Variants in GPBP1 observed in about 807,000 individuals in gnomAD.
GPBP1 encodes the protein GC-rich promoter binding protein 1.
GPBP1 carries 13 observed loss-of-function variants against 56.5 expected under a neutral mutation model. The ratio of observed to expected loss-of-function variants is 0.23; its 90% confidence interval spans 0.15 to 0.37. The LOEUF (loss-of-function observed/expected upper bound fraction) is 0.37. GPBP1 is among the 10% of genes least tolerant of loss of function. The pLI is 1.00. For synonymous variants in GPBP1, 204 were observed against 188.9 expected (o/e 1.08, Z -0.66); for missense variants, 477 against 572.3 (o/e 0.83, Z 1.70).
intron 6 of GPBP1, among the ~76,000 whole-genome samples, chr5:57,238,082 A>G (rs1327677614): frequency 2.0e-5 from 3 of 152,118 alleles, no homozygotes; most frequent in Admixed American, 1.3e-4. Flanking sequence ...AATCATAGCT[A>G]TTAGGTACAT....
chr5:57,246,238 G>GT, intron 6 of GPBP1, 62 bp from the exon 7 acceptor site: 1 of 1,357,338 alleles, frequency 7.4e-7, no homozygotes, highest in Non-Finnish European at 1.0e-6. Context: ...TCTTTTGGTG[G>GT]TTTTATTCTA....
At chr5:57,215,304 ATGAT>A (rs1398210272) in intron 3 of GPBP1, among the ~76,000 whole-genome samples, 5 of 152,232 alleles carry the variant, frequency 3.3e-5, no homozygotes, top group South Asian at 4.1e-4. Context: ...GGAAAGTAAA[ATGAT>A]TGAGGTGCAG....
rs781550858 is a variant in GPBP1, at chr5:57,249,614, T to TA, written c.972+39dup. On this transcript the variant is annotated intron_variant, in intron 9 of 11. Coordinates refer to ENST00000506184, the MANE Select transcript of GPBP1 (RefSeq NM_022913.4). ...ATAGCAATACTTGATTTGACATTGA[T>TA]ATGTCATTGAAATATTTGAGCATGT... 9.5e-5 allele frequency: 142 copies of TA among 1,501,102 alleles called. 1 individual carries two copies. In the East Asian group the frequency reaches 3.1e-3, roughly 32 times the overall value. The allele number at this position is 1,501,102 out of a possible 1,614,324, so 93.0% of individuals were successfully genotyped here.
chr5:57,259,300 T>C (rs1741791883), intron 10 of GPBP1, among the ~76,000 whole-genome samples: 1 of 152,240 alleles, frequency 6.6e-6, no homozygotes. Context: ...TATCATGTTA[T>C]GTTTTATTCA....
intron 2 of GPBP1, among the ~76,000 whole-genome samples, chr5:57,213,525 C>A (rs552955282): frequency 9.6e-4 from 146 of 151,676 alleles, no homozygotes; most frequent in Admixed American, 1.8e-3. Context: ...AGTTCATCTG[C>A]CCATTAAAAG....
intron 10 of GPBP1, among the ~76,000 whole-genome samples, chr5:57,255,137 A>C (rs1399183599): frequency 6.6e-6 from 1 of 152,116 alleles, no homozygotes; most frequent in Non-Finnish European, 1.5e-5. Context: ...TATGGATATA[A>C]ATTGTGAAAC....
At chr5:57,174,674 C>T (rs1753718542) in intron 1 of GPBP1, among the ~76,000 whole-genome samples, 1 of 152,244 alleles carries the variant, frequency 6.6e-6, no homozygotes. Flanking sequence ...AGGTCCGTGG[C>T]ACTTGCCGTG....
chr5:57,189,946 A>G (rs1413367119), intron 2 of GPBP1, among the ~76,000 whole-genome samples: 1 of 152,148 alleles, frequency 6.6e-6, no homozygotes, highest in East Asian at 1.9e-4. Context: ...TTTTGTGTAA[A>G]GTGGGCCACT....
chr5:57,262,203 G>A (rs1741925124), intron 11 of GPBP1, among the ~76,000 whole-genome samples: 1 of 151,982 alleles, frequency 6.6e-6, no homozygotes, highest in East Asian at 1.9e-4. Context: ...CTTCATCTCC[G>A]GTTAAACGAG....
rs769981035 is a variant in GPBP1, at chr5:57,230,878, C to T, written c.96C>T (p.Asn32=). 10 of 1,609,640 alleles carry T rather than the reference C, an allele frequency of 6.2e-6. No homozygotes were observed. The Admixed American group carries it at 1.0e-4, about 16-fold the overall frequency. The change falls in exon 4 of 12, where the codon AAC becomes AAT. Residue 32 remains asparagine, a synonymous_variant. Coordinates refer to ENST00000506184, the MANE Select transcript of GPBP1 (RefSeq NM_022913.4). ...SSLNFEKHSE[N]FAWTENRYDV... ...TGAATTTTGAGAAGCATTCTGAAAA[C>T]TTTGCATGGACAGAGAATCGTTATG...
rs369233611 is a variant in GPBP1 at position 57,230,848 on chromosome 5, G to A, written c.66G>A (p.Ser22=). 6.2e-6 allele frequency: 10 copies of A among 1,601,828 alleles called. No individual in the cohort carries two copies. The highest frequency in any genetic ancestry group is 5.4e-5 in the African/African-American group (4 of 74,300). ...NFPTPPSSTK[S]SLNFEKHSEN... ...TGTATTTTTATAATTTGTTTCAGTC[G>A]TCATTGAATTTTGAGAAGCATTCTG... The change falls in exon 4 of 12, where the codon TCG becomes TCA. Residue 22 remains serine, a splice_region_variant and synonymous_variant. Transcript: ENST00000506184.
At chr5:57,197,677 T>C (rs895631218) in intron 2 of GPBP1, among the ~76,000 whole-genome samples, 2 of 123,462 alleles carry the variant, frequency 1.6e-5, no homozygotes, top group African/African-American at 6.4e-5. Context: ...TTTTTTTTGC[T>C]TGATGTCATG....
intron 6 of GPBP1, among the ~76,000 whole-genome samples, chr5:57,236,501 GTA>G (rs1320010664): frequency 6.6e-6 from 1 of 152,010 alleles, no homozygotes; most frequent in African/African-American, 2.4e-5. Flanking sequence ...ACAGATAATT[GTA>G]TAAATTTGCT....
At chr5:57,216,483 A>T (rs902925844) in intron 3 of GPBP1, among the ~76,000 whole-genome samples, 12 of 152,154 alleles carry the variant, frequency 7.9e-5, no homozygotes, top group African/African-American at 2.9e-4. Context: ...GCACTTTGGG[A>T]GGCACAGGTG....
chr5:57,230,426 T>C (rs1187165363), intron 3 of GPBP1, among the ~76,000 whole-genome samples: 2 of 152,204 alleles, frequency 1.3e-5, no homozygotes, highest in Non-Finnish European at 2.9e-5. Context: ...AAGAGGAATA[T>C]GGAAATAAAT....
chr5:57,213,469 TTC>T (rs1020888833), intron 2 of GPBP1, among the ~76,000 whole-genome samples: 3 of 145,668 alleles, frequency 2.1e-5, no homozygotes, highest in South Asian at 4.4e-4. Context: ...TTTCATAATT[TTC>T]TTTTTTTTTT....
intron 10 of GPBP1, among the ~76,000 whole-genome samples, chr5:57,259,125 G>T (rs1295213823): frequency 6.6e-6 from 1 of 152,198 alleles, no homozygotes; most frequent in African/African-American, 2.4e-5. Flanking sequence ...AATGAAAGAA[G>T]AAATGATTAA....
At chr5:57,200,312 C>CA (rs1460724325) in intron 2 of GPBP1, among the ~76,000 whole-genome samples, 3 of 145,858 alleles carry the variant, frequency 2.1e-5, no homozygotes, top group Admixed American at 6.9e-5. Context: ...TTAATTAAAA[C>CA]AAAACATAAA....
intron 6 of GPBP1, 167 bp from the exon 7 acceptor site, chr5:57,246,133 T>C (rs1317087271): frequency 2.0e-6 from 1 of 508,024 alleles, no homozygotes; most frequent in Non-Finnish European, 3.5e-6. Context: ...GCTTTACTTG[T>C]TCAATTGGAA....
Sources: allele counts gnomAD v4.1 joint callset (sites outside exome capture counted in the v4.1 genomes callset), GRCh38; gene constraint gnomAD v4.1.1; transcripts MANE v1.5; gene names NCBI Gene and HGNC (gene_info 2026-07-23, HGNC 2026-07-21).